The following BTBD10 variants were observed in gnomAD, a reference collection of about 807,000 sequenced individuals.
BTBD10 encodes BTB domain containing 10.
BTBD10 carries 21 observed loss-of-function variants against 53.2 expected under a neutral mutation model. That is an observed-to-expected ratio of 0.39 (90% CI 0.28 to 0.57). The LOEUF (loss-of-function observed/expected upper bound fraction) is 0.57, where lower values mean the gene tolerates loss of function less well. Ranked by LOEUF, BTBD10 falls within the 20% of genes least tolerant of loss-of-function variation. The pLI, the probability that BTBD10 is intolerant of heterozygous loss-of-function variation, is 0.53. For synonymous variants in BTBD10, 149 were observed against 192.7 expected (o/e 0.77, Z 1.88); for missense variants, 360 against 594.7 (o/e 0.61, Z 4.10).
intron 8 of BTBD10, among the ~76,000 whole-genome samples, chr11:13,394,905 G>A (rs535576469): frequency 6.6e-6 from 1 of 151,780 alleles, no homozygotes; most frequent in East Asian, 1.9e-4. Flanking sequence ...GTATTCCATG[G>A]TGTGTATGTG....
rs1346978199 is a variant in BTBD10, at chr11:13,445,014, T to C, written c.101+10A>G. ...AGCTTTCATATGCGAAATACATATT[T>C]TCTACCTACCTTGAATGTTTATAAA... On this transcript the variant is annotated intron_variant, in intron 2 of 8. Coordinates refer to ENST00000278174, the MANE Select transcript of BTBD10 (RefSeq NM_032320.7). The C allele has an allele frequency of 1.3e-6, 2 of 1,591,126 alleles. No homozygotes were observed. The highest frequency in any genetic ancestry group is 4.5e-5 in the East Asian group (2 of 44,722).
chr11:13,400,252 G>T (rs984222149), intron 8 of BTBD10, among the ~76,000 whole-genome samples: 43 of 152,210 alleles, frequency 2.8e-4, no homozygotes, highest in African/African-American at 8.2e-4. Flanking sequence ...AATGGCGGGT[G>T]CCCCTCCCCC....
At chr11:13,402,027 C>G (rs1163338540) in intron 8 of BTBD10, among the ~76,000 whole-genome samples, 1 of 152,198 alleles carries the variant, frequency 6.6e-6, no homozygotes, top group African/African-American at 2.4e-5. Context: ...GAGGCCTTCC[C>G]TGTCCTCCCA....
intron 1 of BTBD10, among the ~76,000 whole-genome samples, chr11:13,456,905 A>G (rs1950980910): frequency 6.6e-6 from 1 of 152,172 alleles, no homozygotes; most frequent in Non-Finnish European, 1.5e-5. Flanking sequence ...TCACGCCTAT[A>G]ATCCTAGCAT....
intron 1 of BTBD10, among the ~76,000 whole-genome samples, chr11:13,455,194 T>C (rs1473039726): frequency 1.3e-5 from 2 of 152,260 alleles, no homozygotes; most frequent in Non-Finnish European, 2.9e-5. Context: ...ATTATAGGCA[T>C]GAGCCACTGC....
chr11:13,414,625 G>T (rs928018987), intron 5 of BTBD10, among the ~76,000 whole-genome samples: 3 of 151,702 alleles, frequency 2.0e-5, no homozygotes, highest in African/African-American at 7.3e-5. Context: ...CTGCACTCCA[G>T]CCTGGGCGAC....
intron 6 of BTBD10, among the ~76,000 whole-genome samples, chr11:13,406,591 CAG>C (rs1763580469): frequency 1.4e-5 from 2 of 142,440 alleles, no homozygotes; most frequent in South Asian, 2.3e-4. Context: ...GAGAGAGAAA[CAG>C]AGAGTGAGCC....
chr11:13,412,407 T>C (rs904138150), intron 6 of BTBD10, among the ~76,000 whole-genome samples: 49 of 152,142 alleles, frequency 3.2e-4, no homozygotes, highest in African/African-American at 1.2e-3. Flanking sequence ...GAGCTGAGAT[T>C]GCACCACTGC....
chr11:13,423,412 T>C (rs1245446212), intron 2 of BTBD10, among the ~76,000 whole-genome samples: 3 of 152,190 alleles, frequency 2.0e-5, no homozygotes, highest in Non-Finnish European at 4.4e-5. Flanking sequence ...AAATGAACTA[T>C]AATAAGTAAG....
At position 13,441,803 on chromosome 11, in the gene BTBD10, G is replaced by A. The variant is rs115667567; in HGVS notation, c.101+3221C>T. Among the ~76,000 whole-genome samples, 25 of 152,180 alleles carry A rather than the reference G, an allele frequency of 1.6e-4. No homozygotes were observed. The East Asian group carries it at 3.7e-3, about 22-fold the overall frequency. On this transcript the variant is annotated intron_variant, in intron 2 of 8. Coordinates refer to ENST00000278174, the MANE Select transcript of BTBD10 (RefSeq NM_032320.7). ...GTATGCTTATTTCCTTACGTTTATAGATTTAAATCCCCAACTGTTCAAGGT... is the reference window on the plus strand; with the variant it reads ...GTATGCTTATTTCCTTACGTTTATAAATTTAAATCCCCAACTGTTCAAGGT...
At chr11:13,456,813 G>A (rs540892611) in intron 1 of BTBD10, among the ~76,000 whole-genome samples, 1 of 152,260 alleles carries the variant, frequency 6.6e-6, no homozygotes, top group East Asian at 1.9e-4. Flanking sequence ...CATATACTCT[G>A]TTGGTGAAGC....
intron 2 of BTBD10, among the ~76,000 whole-genome samples, chr11:13,425,545 T>C (rs573174247): frequency 1.9e-4 from 29 of 152,088 alleles, no homozygotes; most frequent in Non-Finnish European, 3.7e-4. Flanking sequence ...CATTAAAAAG[T>C]CACTATAACC....
intron 2 of BTBD10, among the ~76,000 whole-genome samples, chr11:13,443,744 C>T (rs1387473944): frequency 2.6e-5 from 4 of 151,926 alleles, no homozygotes; most frequent in Non-Finnish European, 4.4e-5. Context: ...CCACCATTCC[C>T]GGCTAATTTT....
intron 3 of BTBD10, among the ~76,000 whole-genome samples, chr11:13,420,960 TTAA>T: frequency 6.6e-6 from 1 of 152,300 alleles, no homozygotes; most frequent in Non-Finnish European, 1.5e-5. Context: ...GACCCTAATA[TTAA>T]TGATTCTTAT....
At chr11:13,462,870 C>G (rs1951132064) in intron 1 of BTBD10, 1 of 152,376 alleles carries the variant, frequency 6.6e-6, no homozygotes, top group African/African-American at 2.4e-5. Flanking sequence ...AAGCAGCAGC[C>G]GCAAAACTCA....
rs574631605 is a variant in BTBD10, at chr11:13,419,758, T to C, written c.299-13A>G. 6 of 1,543,520 alleles carry C rather than the reference T, an allele frequency of 3.9e-6. No individual in the cohort carries two copies. In the African/African-American group the frequency reaches 5.6e-5, roughly 14 times the overall value. On this transcript the variant is annotated splice_polypyrimidine_tract_variant and intron_variant, in intron 3 of 8. Coordinates refer to ENST00000278174, the MANE Select transcript of BTBD10 (RefSeq NM_032320.7). Reference sequence around the variant, plus strand: ...TCTTTTTCTCGTTCTGAAATAAAGATGTTAGACGAAGTTATGCAAATTTTC... The same window carrying C: ...TCTTTTTCTCGTTCTGAAATAAAGACGTTAGACGAAGTTATGCAAATTTTC...
chr11:13,413,936 G>A (rs1351200839), intron 5 of BTBD10, among the ~76,000 whole-genome samples: 2 of 152,302 alleles, frequency 1.3e-5, no homozygotes, highest in African/African-American at 4.8e-5. Flanking sequence ...CCTAATTCAT[G>A]TCTTCTTTAT....
At chr11:13,435,729 G>A (rs1950534334) in intron 2 of BTBD10, among the ~76,000 whole-genome samples, 1 of 152,138 alleles carries the variant, frequency 6.6e-6, no homozygotes, top group South Asian at 2.1e-4. Context: ...CTGACCTTGT[G>A]ATCTGCCTGC....
At chr11:13,453,057 C>G (rs1478743374) in intron 1 of BTBD10, among the ~76,000 whole-genome samples, 1 of 152,104 alleles carries the variant, frequency 6.6e-6, no homozygotes, top group Non-Finnish European at 1.5e-5. Context: ...CTCTCCCTGA[C>G]ATGATACACA....
Sources: allele counts gnomAD v4.1 joint callset (sites outside exome capture counted in the v4.1 genomes callset), GRCh38; gene constraint gnomAD v4.1.1; transcripts MANE v1.5; gene names NCBI Gene and HGNC (gene_info 2026-07-23, HGNC 2026-07-21).